The following ASB2 variants were observed in gnomAD, a reference collection of about 807,000 sequenced individuals.
ASB2 encodes ankyrin repeat and SOCS box protein 2.
A neutral mutation model predicts 62.4 loss-of-function variants in ASB2; 58 were observed. The observed-to-expected ratio is 0.93, with a 90% CI of 0.75 to 1.16. The LOEUF (loss-of-function observed/expected upper bound fraction) is 1.16, where lower values mean the gene tolerates loss of function less well. ASB2 is among the 50% of genes most tolerant of loss of function. The pLI is 0.00. For missense variants in ASB2, 928 were observed against 887.9 expected (o/e 1.05, Z -0.57); for synonymous variants, 386 against 385.3 (o/e 1.00, Z -0.02).
chr14:93,960,434 C>A (rs1889369113), intron 2 of ASB2, among the ~76,000 whole-genome samples: 1 of 152,180 alleles, frequency 6.6e-6, no homozygotes, highest in Non-Finnish European at 1.5e-5. Flanking sequence ...TGAAGCTGTG[C>A]ACACAACAGC....
intron 6 of ASB2, among the ~76,000 whole-genome samples, chr14:93,948,878 G>C (rs1288611368): frequency 1.3e-5 from 2 of 152,154 alleles, no homozygotes; most frequent in East Asian, 3.9e-4. Context: ...TGATATAGGC[G>C]GCAGTGAGCC....
Position 93,939,238 on chromosome 14 carries a change from A to G in ASB2, c.1487T>C (p.Met496Thr). Residue 496 changes from methionine (M) to threonine (T), a missense_variant, in exon 8 of 10, where the codon ATG becomes ACG. By Grantham distance (81) the Met-to-Thr change is moderately conservative (BLOSUM62 -1). Coordinates refer to ENST00000555019, the MANE Select transcript of ASB2 (RefSeq NM_001202429.2). ...MKCLSLLKFLMDLGCDGEPCF... is the reference protein window; with the variant it reads ...MKCLSLLKFLTDLGCDGEPCF... ...GGGCTCGCCGTCGCAGCCCAGGTCC[A>G]TGAGGAACTTGAGCAGCGACAGGCA... 1 of 1,609,842 alleles carries G rather than the reference A, an allele frequency of 6.2e-7. No individual in the cohort carries two copies. Among genetic ancestry groups the G allele is most frequent in the Non-Finnish European group, 8.5e-7 (1 of 1,177,262 alleles).
intron 6 of ASB2, among the ~76,000 whole-genome samples, chr14:93,949,672 A>G (rs1888877542): frequency 6.6e-6 from 1 of 151,990 alleles, no homozygotes; most frequent in Non-Finnish European, 1.5e-5. Context: ...CACAAGAAAA[A>G]TATTTGGGTT....
At chr14:93,947,952 C>A (rs1352987930) in intron 6 of ASB2, among the ~76,000 whole-genome samples, 2 of 135,340 alleles carry the variant, frequency 1.5e-5, no homozygotes, top group Non-Finnish European at 3.1e-5. Context: ...CGAGACTGCA[C>A]CATTGCACTC....
Position 93,964,563 on chromosome 14 carries a change from C to T in ASB2, c.-24G>A, listed in dbSNP as rs1373194922. On this transcript the variant is annotated 5_prime_UTR_variant, in exon 2 of 10. Coordinates refer to ENST00000555019, the MANE Select transcript of ASB2 (RefSeq NM_001202429.2). ...ATCCTCCTCCACCTCTCACCCTGGCCTCCAGAACAGACACCCAGTGGGGAG... is the reference window on the plus strand; with the variant it reads ...ATCCTCCTCCACCTCTCACCCTGGCTTCCAGAACAGACACCCAGTGGGGAG... 6 of 1,535,048 alleles carry T rather than the reference C, an allele frequency of 3.9e-6. No individual in the cohort carries two copies. Among genetic ancestry groups the T allele is most frequent in the Non-Finnish European group, 5.2e-6 (6 of 1,146,164 alleles).
chr14:93,954,264 C>G (rs1449997304), intron 4 of ASB2, 53 bp downstream of exon 4: 1 of 1,455,996 alleles, frequency 6.9e-7, no homozygotes, highest in Non-Finnish European at 9.6e-7. Context: ...GAGCGGCAGC[C>G]CTTCCCCTAG....
At chr14:93,947,656 G>C (rs1205650658) in intron 6 of ASB2, 136 bp from the exon 7 acceptor site, 2 of 836,952 alleles carry the variant, frequency 2.4e-6, no homozygotes, top group East Asian at 5.3e-5. Context: ...CCTTAGGAAG[G>C]AGGAGTCTAC....
intron 6 of ASB2, among the ~76,000 whole-genome samples, chr14:93,948,607 A>G (rs1283176108): frequency 2.0e-5 from 3 of 152,182 alleles, no homozygotes; most frequent in Non-Finnish European, 2.9e-5. Flanking sequence ...TTTCACTTCA[A>G]GGAATAAGAG....
At chr14:93,960,866 T>C (rs1055987549) in intron 2 of ASB2, among the ~76,000 whole-genome samples, 2 of 152,180 alleles carry the variant, frequency 1.3e-5, no homozygotes, top group African/African-American at 4.8e-5. Context: ...TGCTAGAGCT[T>C]TTTATTGGTT....
At chr14:93,973,113 C>T (rs1889807991) in intron 1 of ASB2, among the ~76,000 whole-genome samples, 1 of 152,148 alleles carries the variant, frequency 6.6e-6, no homozygotes, top group African/African-American at 2.4e-5. Context: ...AGACAGGGCT[C>T]TTCTCTTTGT....
At chr14:93,955,405 G>A in intron 3 of ASB2, 1 of 330,532 alleles carries the variant, frequency 3.0e-6, no homozygotes, top group Non-Finnish European at 6.0e-6. Flanking sequence ...AACAGACCCA[G>A]CAAGGACGAT....
Position 93,964,628 on chromosome 14 carries a change from A to C in ASB2, c.-73-16T>G. ...TCAGAAAACCCTGTGAGGAAACCAAAACCATCCTGGTCACGAACAGTTTTG... is the reference window on the plus strand; with the variant it reads ...TCAGAAAACCCTGTGAGGAAACCAACACCATCCTGGTCACGAACAGTTTTG... On this transcript the variant is annotated splice_polypyrimidine_tract_variant and intron_variant, in intron 1 of 9. Coordinates refer to ENST00000555019, the MANE Select transcript of ASB2 (RefSeq NM_001202429.2). 9.7e-6 allele frequency: 12 copies of C among 1,230,782 alleles called. No homozygotes were observed. Among genetic ancestry groups the C allele is most frequent in the East Asian group, 7.7e-5 (3 of 39,040 alleles). The allele number at this position is 1,230,782 out of a possible 1,614,324, so 76.2% of individuals were successfully genotyped here.
intron 1 of ASB2, among the ~76,000 whole-genome samples, chr14:93,971,165 C>T (rs538589476): frequency 6.3e-4 from 96 of 152,344 alleles, no homozygotes; most frequent in African/African-American, 2.2e-3. Context: ...GCCCAGCCTT[C>T]GCGTGACAGC....
chr14:93,968,263 C>T (rs1341951434), intron 1 of ASB2: 2 of 152,170 alleles, frequency 1.3e-5, no homozygotes, highest in African/African-American at 2.4e-5. Flanking sequence ...TTTACATTGG[C>T]CAATTATCCA....
chr14:93,967,095 T>G (rs1889617537), intron 1 of ASB2, among the ~76,000 whole-genome samples: 2 of 152,200 alleles, frequency 1.3e-5, no homozygotes, highest in South Asian at 4.1e-4. Flanking sequence ...CCTCTCTTCC[T>G]CTCTTGTGTC....
intron 2 of ASB2, among the ~76,000 whole-genome samples, chr14:93,958,516 G>T (rs567966229): frequency 1.4e-4 from 21 of 152,142 alleles, no homozygotes; most frequent in Non-Finnish European, 2.8e-4. Context: ...CCCCATCCCC[G>T]CTCTGTGCCT....
At chr14:93,951,940 T>C (rs1208721280) in intron 5 of ASB2, among the ~76,000 whole-genome samples, 1 of 152,224 alleles carries the variant, frequency 6.6e-6, no homozygotes, top group Admixed American at 6.5e-5. Flanking sequence ...AAACGTGCCC[T>C]TGGCTCTGGC....
At chr14:93,966,347 G>C (rs1889590770) in intron 1 of ASB2, among the ~76,000 whole-genome samples, 1 of 152,234 alleles carries the variant, frequency 6.6e-6, no homozygotes, top group Non-Finnish European at 1.5e-5. Context: ...CCAGGGGTGG[G>C]ACTGTAGCCT....
At chr14:93,962,390 C>G (rs148202311) in intron 2 of ASB2, among the ~76,000 whole-genome samples, 1 of 152,278 alleles carries the variant, frequency 6.6e-6, no homozygotes, top group East Asian at 1.9e-4. Flanking sequence ...TTTTTCTTCC[C>G]AGCAGGGCCC....
Sources: gnomAD v4.1 joint callset for allele counts (sites outside exome capture counted in the v4.1 genomes callset) on GRCh38, gnomAD v4.1.1 for gene constraint, MANE v1.5 for transcripts, NCBI Gene and HGNC (gene_info 2026-07-23, HGNC 2026-07-21) for gene names.